The following ELP5 variants were observed in gnomAD, a reference collection of about 807,000 sequenced individuals.
The protein encoded by ELP5 is elongator complex protein 5.
ELP5 carries 34 observed loss-of-function variants against 33.4 expected under a neutral mutation model. The observed-to-expected ratio is 1.02, with a 90% CI of 0.78 to 1.36. ELP5 has a LOEUF of 1.36. ELP5 is among the 40% of genes most tolerant of loss of function. ELP5 has a pLI of 0.00. For synonymous variants in ELP5, 161 were observed against 146.4 expected (o/e 1.10, Z -0.72); for missense variants, 373 against 371.7 (o/e 1.00, Z -0.03).
intron 3 of ELP5, among the ~76,000 whole-genome samples, chr17:7,253,748 C>A (rs1021946836): frequency 6.6e-6 from 1 of 152,198 alleles, no homozygotes; most frequent in Non-Finnish European, 1.5e-5. Context: ...GTAATCCCAG[C>A]ACTTTGGGAG....
intron 4 of ELP5, among the ~76,000 whole-genome samples, chr17:7,255,494 T>C (rs1597583467): frequency 1.3e-5 from 2 of 148,988 alleles, no homozygotes; most frequent in African/African-American, 2.5e-5. Context: ...GCCACTGCAC[T>C]CCAGCCTGGG....
At chr17:7,258,507 G>A (rs1315906898) in intron 5 of ELP5, 81 bp from the exon 6 acceptor site, 2 of 1,335,260 alleles carry the variant, frequency 1.5e-6, no homozygotes, top group Non-Finnish European at 2.1e-6. Flanking sequence ...ATAGGTGATT[G>A]GGGGCTGAGG....
chr17:7,251,997 C>T (rs529184501), upstream of ELP5: 1 of 183,020 alleles, frequency 5.5e-6, no homozygotes, highest in East Asian at 1.7e-4. Flanking sequence ...TGTCTTTCCC[C>T]CTCCTCTTCC....
In ELP5 at chr17:7,258,919, T is replaced by C. The variant is rs1312286037; in HGVS notation, c.781T>C (p.Ser261Pro). 1 of 1,614,074 alleles carries C rather than the reference T, an allele frequency of 6.2e-7. No homozygotes were observed. Among genetic ancestry groups the C allele is most frequent in the Non-Finnish European group, 8.5e-7 (1 of 1,180,016 alleles). ...CCTGATCCTGCCCTTCCAGTTCAGT[T>C]CTGAAAAGTAAGGTTGGGACCTGGG... is the stretch of plus-strand genomic sequence containing the variant. The part of the protein sequence containing the change: ...DSLILPFQFS[S>P]EKQQALLRPR... The change falls in exon 7 of 8, where the codon TCT (serine) becomes CCT (proline). Residue 261 changes from serine (S) to proline (P), a missense_variant. Ser to Pro is a moderately conservative substitution (Grantham distance 74). Coordinates refer to ENST00000396628, the MANE Select transcript of ELP5 (RefSeq NM_203414.3).
chr17:7,254,660 G>T lies in ELP5; in HGVS notation c.266G>T (p.Gly89Val), dbSNP rs1025513858. The T allele has an allele frequency of 1.2e-6, 2 of 1,613,996 alleles. No individual in the cohort carries two copies. Among genetic ancestry groups the T allele is most frequent in the Non-Finnish European group, 1.7e-6 (2 of 1,180,038 alleles). Residue 89 changes from glycine to valine, a missense_variant, in exon 4 of 8, where the codon GGA becomes GTA. Transcript: ENST00000396628. ...TEEAFPGGPL[G>V]ALRAMCKRTD... ...GAGGCCTTTCCTGGGGGGCCGCTGG[G>T]AGCCTTGAGAGCCATGTGCAAGAGG... is the stretch of plus-strand genomic sequence containing the variant.
In ELP5 at chr17:7,252,574, G is replaced by A; in HGVS notation, c.24G>A (p.Leu8=). 1 of 1,613,284 alleles carries A rather than the reference G, an allele frequency of 6.2e-7. No individual in the cohort carries two copies. Among genetic ancestry groups the A allele is most frequent in the Non-Finnish European group, 8.5e-7 (1 of 1,179,856 alleles). The stretch of plus-strand genomic sequence containing the variant: ...AGATGTTGGACTCGCTGTTGGCCTT[G>A]GGCGGCCTGGTGCTGCTTCGGGGTG... The part of the protein sequence containing the change: MLDSLLA[L]GGLVLLRDSV... Residue 8 remains leucine, a synonymous_variant, in exon 1 of 8, where the codon TTG becomes TTA. Coordinates refer to ENST00000396628, the MANE Select transcript of ELP5 (RefSeq NM_203414.3).
chr17:7,259,652 C>T lies in ELP5; in HGVS notation c.870C>T (p.Asp290=), dbSNP rs1358860160. Residue 290 remains aspartate, a synonymous_variant, in exon 8 of 8, where the codon GAC becomes GAT. Coordinates refer to ENST00000396628, the MANE Select transcript of ELP5 (RefSeq NM_203414.3). ...AGCCAGATGCTTATGATGACCTGGA[C>T]CAAGAAGACCCAGATGACGACCTGG... ...FYEPDAYDDL[D]QEDPDDDLDI The T allele has an allele frequency of 3.1e-6, 5 of 1,614,102 alleles. No homozygotes were observed. The African/African-American group carries it at 6.7e-5, about 22-fold the overall frequency.
upstream of ELP5, chr17:7,252,126 T>G: frequency 2.9e-6 from 1 of 341,920 alleles, no homozygotes; most frequent in East Asian, 8.4e-5. Flanking sequence ...GAGGCTGCAG[T>G]ATTGCGCACG....
At chr17:7,255,675 A>G (rs1234288242) in intron 4 of ELP5, among the ~76,000 whole-genome samples, 2 of 152,180 alleles carry the variant, frequency 1.3e-5, no homozygotes, top group East Asian at 3.9e-4. Flanking sequence ...AAGGTGCTTG[A>G]TCTCTCATTG....
At chr17:7,258,088 G>T (rs1053073387) in intron 5 of ELP5, among the ~76,000 whole-genome samples, 4 of 151,844 alleles carry the variant, frequency 2.6e-5, no homozygotes, top group Non-Finnish European at 5.9e-5. Flanking sequence ...TAAGTGGGCT[G>T]CTCTGCCTAA....
In ELP5 at chr17:7,259,718, G is replaced by T. The variant is rs1406911145; in HGVS notation, c.*33G>T. The T allele has an allele frequency of 1.2e-6, 2 of 1,613,658 alleles. No homozygotes were observed. The highest frequency in any genetic ancestry group is 8.5e-7 in the Non-Finnish European group (1 of 1,179,872). On this transcript the variant is annotated 3_prime_UTR_variant, in exon 8 of 8. Transcript: ENST00000396628. ...GATTTGATTAGATTGTAATTGGAGG[G>T]GGCGCGGGAAGACTTTGGGCCCAGA...
chr17:7,259,891 A>G lies in ELP5; in HGVS notation c.*206A>G. On this transcript the variant is annotated 3_prime_UTR_variant, in exon 8 of 8. Transcript: ENST00000396628. ...AAGACATGGGGTAATGTGAGAGAGT[A>G]GAACACCCCCGTACCTAATAAAAAT... is the stretch of plus-strand genomic sequence containing the variant. 2 of 754,232 alleles carry G rather than the reference A, an allele frequency of 2.7e-6. No homozygotes were observed. Among genetic ancestry groups the G allele is most frequent in the Non-Finnish European group, 4.1e-6 (2 of 487,110 alleles). 46.7% of individuals were successfully genotyped at this position (754,232 alleles called of 1,614,324 possible). A position where few individuals can be genotyped will look rare whatever the true frequency, so the allele number is the denominator to read the frequency against.
chr17:7,252,878 G>C, intron 2 of ELP5, 40 bp from the exon 3 acceptor site: 3 of 1,614,120 alleles, frequency 1.9e-6, no homozygotes, highest in Non-Finnish European at 1.7e-6. Flanking sequence ...TAGGGCACCT[G>C]TGCCCACTCT....
chr17:7,252,840 C>T lies in ELP5; in HGVS notation c.107+10C>T. On this transcript the variant is annotated intron_variant, in intron 2 of 7. Coordinates refer to ENST00000396628, the MANE Select transcript of ELP5 (RefSeq NM_203414.3). ...AGAAATCTGCACTGTGGTGAGTATC[C>T]CACAGTGTCTCCCCGGCCTACCCTG... 1 of 1,614,160 alleles carries T rather than the reference C, an allele frequency of 6.2e-7. No homozygotes were observed. The highest frequency in any genetic ancestry group is 1.1e-5 in the South Asian group (1 of 91,086).
At position 7,252,279 on chromosome 17, in the gene ELP5, C is replaced by A; in HGVS notation, c.-272C>A. ...GTCCTCCTCCCCCTCCCACTGACAA[C>A]TGCCCCAACTGCTCTTCCCGCCCCG... is the stretch of plus-strand genomic sequence containing the variant. On this transcript the variant is annotated 5_prime_UTR_variant, in exon 1 of 8. In the 5' UTR this introduces an upstream ATG that the reference lacks. Coordinates refer to ENST00000396628, the MANE Select transcript of ELP5 (RefSeq NM_203414.3). 2 of 542,260 alleles carry A rather than the reference C, an allele frequency of 3.7e-6. No individual in the cohort carries two copies. Among genetic ancestry groups the A allele is most frequent in the South Asian group, 3.9e-5 (2 of 51,464 alleles). 33.6% of individuals were successfully genotyped at this position (542,260 alleles called of 1,614,324 possible). A position where few individuals can be genotyped will look rare whatever the true frequency, so the allele number is the denominator to read the frequency against.
In ELP5 at chr17:7,259,851, A is replaced by G. The variant is rs574395150; in HGVS notation, c.*166A>G. 214 of 1,251,032 alleles carry G rather than the reference A, an allele frequency of 1.7e-4. No homozygotes were observed. In the African/African-American group the frequency reaches 2.5e-3, roughly 15 times the overall value. The allele number at this position is 1,251,032 out of a possible 1,614,324, so 77.5% of individuals were successfully genotyped here. The stretch of plus-strand genomic sequence containing the variant: ...AGCCAGGAAGCAGCGTCTCATCAGG[A>G]CAGAAGGTAGGATGAAGACATGGGG... On this transcript the variant is annotated 3_prime_UTR_variant, in exon 8 of 8. Transcript: ENST00000396628.
At chr17:7,258,496 A>C (rs1042478859) in intron 5 of ELP5, 92 bp from the exon 6 acceptor site, 2 of 1,249,938 alleles carry the variant, frequency 1.6e-6, no homozygotes, top group Admixed American at 2.1e-5. Context: ...CAGTCAGTTA[A>C]ATAGGTGATT....
In ELP5 at chr17:7,258,877, A is replaced by G; in HGVS notation, c.739A>G (p.Arg247Gly). ...TAACCTTCACCTGTCCAAGAAAGAG[A>G]GAGAAGCCAGAGATAGCCTGATCCT... The part of the protein sequence containing the change: ...TFNLHLSKKE[R>G]EARDSLILPF... Residue 247 changes from arginine to glycine, a missense_variant, in exon 7 of 8, where the codon AGA becomes GGA. Arg to Gly is a moderately radical substitution (Grantham distance 125, BLOSUM62 -2). Coordinates refer to ENST00000396628, the MANE Select transcript of ELP5 (RefSeq NM_203414.3). The G allele has an allele frequency of 6.2e-7, 1 of 1,614,106 alleles. No homozygotes were observed. Among genetic ancestry groups the G allele is most frequent in the Non-Finnish European group, 8.5e-7 (1 of 1,180,012 alleles).
intron 5 of ELP5, 25 bp from the exon 6 acceptor site, chr17:7,258,563 A>C: frequency 1.9e-6 from 3 of 1,610,842 alleles, no homozygotes; most frequent in Non-Finnish European, 2.5e-6. Context: ...AAGATGAAAA[A>C]AACTCTTTTC....
Sources: allele counts gnomAD v4.1 joint callset (sites outside exome capture counted in the v4.1 genomes callset), GRCh38; gene constraint gnomAD v4.1.1; transcripts MANE v1.5; gene names NCBI Gene and HGNC (gene_info 2026-07-23, HGNC 2026-07-21).